BAG3: variants seen among roughly 807,000 people sequenced by gnomAD.
The protein encoded by BAG3 is BAG cochaperone 3, also known as BAG family molecular chaperone regulator 3.
Under a neutral mutation model 40.5 loss-of-function variants are expected in BAG3, and 14 were observed. That is an observed-to-expected ratio of 0.35 (90% confidence interval 0.23 to 0.54). The LOEUF is 0.54. BAG3 is among the 20% of genes least tolerant of loss of function. The pLI, the probability that BAG3 is intolerant of heterozygous loss-of-function variation, is 0.91. For synonymous variants in BAG3, 302 were observed against 307.8 expected, an observed-to-expected ratio of 0.98 and a Z score of 0.20; for missense variants, 788 against 758.6, an observed-to-expected ratio of 1.04 and a Z score of -0.46.
At chr10:119,665,133 TATATATATATA>T (rs1564771791) in intron 1 of BAG3, among the ~76,000 whole-genome samples, 64 of 73,012 alleles carry the variant, frequency 8.8e-4, no homozygotes, top group East Asian at 1.1e-3. Flanking sequence ...TGTGTATATA[TATATATATATA>T]TTTTTTTTTT....
intron 1 of BAG3, among the ~76,000 whole-genome samples, chr10:119,667,879 AT>A (rs1847088170): frequency 6.6e-6 from 1 of 152,200 alleles, no homozygotes; most frequent in Admixed American, 6.5e-5. Flanking sequence ...GCAGGCTCCG[AT>A]TTCGGCTGGA....
rs199677021 is a variant in BAG3 at position 119,672,651 on chromosome 10, C to G, written c.904C>G (p.Pro302Ala). Residue 302 changes from proline (P) to alanine (A), a missense_variant, in exon 3 of 4, where the codon CCT becomes GCT. Pro to Ala is a conservative substitution (Grantham distance 27). Transcript: ENST00000369085. The surrounding 1 kb of genome is among the most constrained non-coding windows in gnomAD (Gnocchi z 4.8). ...PIRVHTVVDR[P>A]QQPMTHRETA... ...CCGTGTGCACACCGTGGTCGACAGGCCTCAGGTACGGGAAGTTAGTCGTCA... is the reference window on the plus strand; with the variant it reads ...CCGTGTGCACACCGTGGTCGACAGGGCTCAGGTACGGGAAGTTAGTCGTCA... The G allele has an allele frequency of 1.9e-6, 3 of 1,613,230 alleles. No individual in the cohort carries two copies. The East Asian group carries it at 6.7e-5, about 36-fold the overall frequency.
intron 1 of BAG3, among the ~76,000 whole-genome samples, chr10:119,653,440 A>T (rs1428236259): frequency 1.3e-5 from 2 of 152,188 alleles, no homozygotes; most frequent in African/African-American, 4.8e-5. Flanking sequence ...CTTTGTTGTG[A>T]GTGAAGATCA....
intron 1 of BAG3, among the ~76,000 whole-genome samples, chr10:119,657,081 C>G (rs1846923962): frequency 6.6e-6 from 1 of 152,004 alleles, no homozygotes; most frequent in South Asian, 2.1e-4. Flanking sequence ...GATAAACAGC[C>G]CTGAGTCCAT....
intron 1 of BAG3, among the ~76,000 whole-genome samples, chr10:119,665,145 T>TCC (rs1491430544): frequency 1.1e-5 from 1 of 91,092 alleles, no homozygotes; most frequent in African/African-American, 4.8e-5. Context: ...TATATATATA[T>TCC]TTTTTTTTTT....
At position 119,677,109 on chromosome 10, in the gene BAG3, C is replaced by T; in HGVS notation, c.1555C>T (p.Gln519Ter). 3.7e-6 allele frequency: 6 copies of T among 1,614,204 alleles called. No homozygotes were observed. Among genetic ancestry groups the T allele is most frequent in the Non-Finnish European group, 5.1e-6 (6 of 1,180,042 alleles). ...ELQPSNLEAD[Q>*]PLQAIMEMGA... Reference sequence around the variant, plus strand: ...CCAGCCCAGCAACCTTGAAGCAGATCAGCCACTGCAGGCAATCATGGAGAT... The same window carrying T: ...CCAGCCCAGCAACCTTGAAGCAGATTAGCCACTGCAGGCAATCATGGAGAT... The change falls in exon 4 of 4, where the codon CAG becomes TAG. Residue 519 changes from glutamine to a stop codon, truncating the protein, a stop_gained. Coordinates refer to ENST00000369085, the MANE Select transcript of BAG3 (RefSeq NM_004281.4). LOFTEE classifies it low-confidence loss of function (END_TRUNC).
At chr10:119,665,435 C>G (rs1182246867) in intron 1 of BAG3, among the ~76,000 whole-genome samples, 1 of 151,812 alleles carries the variant, frequency 6.6e-6, no homozygotes, top group African/African-American at 2.4e-5. Flanking sequence ...CCACCGCGCC[C>G]AGCCTAATTT....
chr10:119,667,386 G>A lies in BAG3; in HGVS notation c.181-2465G>A, dbSNP rs376865894. 3.9e-5 allele frequency among the ~76,000 whole-genome samples: 6 copies of A among 152,298 alleles called. 2 individuals carry two copies. The highest frequency in any genetic ancestry group is 1.4e-4 in the African/African-American group (6 of 41,562). On this transcript the variant is annotated intron_variant, in intron 1 of 3. Transcript: ENST00000369085. ...TGCCAGTCTTCCGGGCATCCCTCTT[G>A]ATATGCCCTTATAAAACCTCACAAC... is the stretch of plus-strand genomic sequence containing the variant.
intron 1 of BAG3, among the ~76,000 whole-genome samples, chr10:119,652,541 A>G (rs974067762): frequency 6.6e-6 from 1 of 152,222 alleles, no homozygotes; most frequent in Non-Finnish European, 1.5e-5. Flanking sequence ...AAAATAAAAA[A>G]CAGGGTGTGC....
intron 1 of BAG3, among the ~76,000 whole-genome samples, chr10:119,666,409 ATG>A (rs950580040): frequency 6.6e-5 from 10 of 152,162 alleles, no homozygotes; most frequent in African/African-American, 1.4e-4. Context: ...GGACCAAGCC[ATG>A]TCTCTGGAAA....
chr10:119,672,501 G>A lies in BAG3; in HGVS notation c.754G>A (p.Gly252Arg), dbSNP rs1181564932. ...THQPVYHKIQ[G>R]DDWEPRPLRA... ...CCAGCCTGTGTACCACAAGATCCAG[G>A]GGGATGACTGGGAGCCCCGGCCCCT... is the stretch of plus-strand genomic sequence containing the variant. The change falls in exon 3 of 4, where the codon GGG (glycine) becomes AGG (arginine). Residue 252 changes from glycine to arginine, a missense_variant. Physicochemically the swap from Gly to Arg is moderately radical, Grantham distance 125. Coordinates refer to ENST00000369085, the MANE Select transcript of BAG3 (RefSeq NM_004281.4). The surrounding 1 kb of genome is among the most constrained non-coding windows in gnomAD (Gnocchi z 4.8). The A allele has an allele frequency of 1.2e-6, 2 of 1,614,040 alleles. No homozygotes were observed. The highest frequency in any genetic ancestry group is 2.2e-5 in the East Asian group (1 of 44,880).
In BAG3 at chr10:119,672,612, T is replaced by C. The variant is rs1160709384; in HGVS notation, c.865T>C (p.Ser289Pro). 1 of 1,613,842 alleles carries C rather than the reference T, an allele frequency of 6.2e-7. No individual in the cohort carries two copies. Among genetic ancestry groups the C allele is most frequent in the South Asian group, 1.1e-5 (1 of 91,064 alleles). ...SPARSSTPLH[S>P]PSPIRVHTVV... The stretch of plus-strand genomic sequence containing the variant: ...AGCCAGGAGCAGCACGCCACTCCAC[T>C]CCCCCTCGCCCATCCGTGTGCACAC... Residue 289 changes from serine (S) to proline (P), a missense_variant, in exon 3 of 4, where the codon TCC becomes CCC. Physicochemically the swap from Ser to Pro is moderately conservative, Grantham distance 74 (BLOSUM62 -1). Transcript: ENST00000369085. This position sits in a 1 kb window ranked among gnomAD's most constrained non-coding sequence, Gnocchi z 4.8.
intron 1 of BAG3, among the ~76,000 whole-genome samples, chr10:119,652,306 G>C (rs959117685): frequency 2.0e-5 from 3 of 152,206 alleles, no homozygotes; most frequent in Admixed American, 6.5e-5. Flanking sequence ...GGACTCGAGG[G>C]GGACACTCGC....
chr10:119,667,366 G>T (rs1394650353), intron 1 of BAG3, among the ~76,000 whole-genome samples: 1 of 152,194 alleles, frequency 6.6e-6, no homozygotes, highest in South Asian at 2.1e-4. Flanking sequence ...TTTATTGCCA[G>T]TCTTCCGGGC....
chr10:119,651,890 C>A, intron 1 of BAG3, 35 bp downstream of exon 1: 1 of 1,480,256 alleles, frequency 6.8e-7, no homozygotes, highest in Non-Finnish European at 9.0e-7. Flanking sequence ...TGGTCGGTGG[C>A]GCCACCTCGA....
Position 119,651,672 on chromosome 10 carries a change from C to G in BAG3, c.-4C>G. ...GCGCCCCAGCGGGCAGACCCCAACC[C>G]AGCATGAGCGCCGCCACCCACTCGC... On this transcript the variant is annotated 5_prime_UTR_variant, in exon 1 of 4. Coordinates refer to ENST00000369085, the MANE Select transcript of BAG3 (RefSeq NM_004281.4). The G allele has an allele frequency of 6.3e-7, 1 of 1,577,202 alleles. No individual in the cohort carries two copies. Among genetic ancestry groups the G allele is most frequent in the Non-Finnish European group, 8.6e-7 (1 of 1,163,174 alleles).
chr10:119,676,393 G>A, intron 3 of BAG3, 71 bp from the exon 4 acceptor site: 1 of 1,527,714 alleles, frequency 6.5e-7, no homozygotes, highest in South Asian at 1.1e-5. Context: ...TTTCTAATCT[G>A]TACTAGCTAC....
At chr10:119,661,608 G>C (rs1430720993) in intron 1 of BAG3, among the ~76,000 whole-genome samples, 2 of 152,058 alleles carry the variant, frequency 1.3e-5, no homozygotes, top group African/African-American at 4.8e-5. Flanking sequence ...CATAGGGACA[G>C]TCATCTGTTT....
At chr10:119,666,260 C>G (rs1204980340) in intron 1 of BAG3, among the ~76,000 whole-genome samples, 1 of 152,176 alleles carries the variant, frequency 6.6e-6, no homozygotes, top group Non-Finnish European at 1.5e-5. Flanking sequence ...CCTCAGCCCC[C>G]ACTTCCAGCC....
Sources: allele counts gnomAD v4.1 joint callset (sites outside exome capture counted in the v4.1 genomes callset), GRCh38; gene constraint gnomAD v4.1.1; non-coding constraint Gnocchi (gnomAD v3.1); transcripts MANE v1.5; gene names NCBI Gene and HGNC (gene_info 2026-07-23, HGNC 2026-07-21).